ZNF217: variants seen among roughly 807,000 people sequenced by gnomAD.
The protein encoded by ZNF217 is zinc finger protein 217.
In ZNF217, 12 loss-of-function variants were observed where a neutral mutation model predicts 73.3. That is an observed-to-expected ratio of 0.16 (90% CI 0.10 to 0.27). The LOEUF is 0.27. Ranked by LOEUF, ZNF217 falls within the 10% of genes least tolerant of loss-of-function variation. ZNF217 has a pLI of 1.00. For synonymous variants in ZNF217, 588 were observed against 516.4 expected (o/e 1.14, Z -1.88); for missense variants, 1,195 against 1,327.8 (o/e 0.90, Z 1.55).
At chr20:53,590,599 A>G (rs1988843908) in intron 1 of ZNF217, among the ~76,000 whole-genome samples, 1 of 152,138 alleles carries the variant, frequency 6.6e-6, no homozygotes, top group Non-Finnish European at 1.5e-5. Flanking sequence ...GACAACTGTG[A>G]GAAAAGAATG....
At chr20:53,596,767 A>G (rs185997470), upstream of ZNF217, among the ~76,000 whole-genome samples, 67 of 152,068 alleles carry the variant, frequency 4.4e-4, no homozygotes, top group Middle Eastern at 0.02. Context: ...GCCATCTCTA[A>G]AGGAGTCAGG....
At chr20:53,591,206 G>T (rs188097113) in intron 1 of ZNF217, among the ~76,000 whole-genome samples, 25 of 152,228 alleles carry the variant, frequency 1.6e-4, no homozygotes, top group African/African-American at 6.0e-4. Flanking sequence ...GCTAAACTTC[G>T]ATCTCACAAG....
Position 53,576,191 on chromosome 20 carries a change from T to G in ZNF217, c.2573A>C (p.Glu858Ala). Residue 858 changes from glutamate (E) to alanine (A), a missense_variant, in exon 4 of 6, where the codon GAG becomes GCG. Around this residue, in one of 9 missense-constraint regions of ZNF217, gnomAD observed 649 missense variants for 642.8 expected, o/e 1.01. Transcript: ENST00000371471. ...TACTGGAAGAGGTTTCAATTTTGTC[T>G]CGGGTCTTTTTGTCTTATCCGGTGC... ...SPAPDKTKRP[E>A]TKLKPLPVAP... 6.2e-7 allele frequency: 1 copy of G among 1,614,206 alleles called. No homozygotes were observed. The highest frequency in any genetic ancestry group is 8.5e-7 in the Non-Finnish European group (1 of 1,180,038).
At chr20:53,586,762 C>T (rs950231760) in intron 1 of ZNF217, among the ~76,000 whole-genome samples, 3 of 152,144 alleles carry the variant, frequency 2.0e-5, no homozygotes, top group African/African-American at 4.8e-5. Context: ...AGCAAATCAC[C>T]GTTCCAATTG....
chr20:53,576,851 T>C lies in ZNF217; in HGVS notation c.1913A>G (p.Asn638Ser), dbSNP rs774545960. Residue 638 changes from asparagine (N) to serine (S), a missense_variant, in exon 4 of 6, where the codon AAC becomes AGC. Around this residue, in one of 9 missense-constraint regions of ZNF217, gnomAD observed 649 missense variants for 642.8 expected, o/e 1.01. Coordinates refer to ENST00000371471, the MANE Select transcript of ZNF217 (RefSeq NM_006526.3). ...KRSAVETQAN[N>S]LICRTKADVT... ...ATCCGCCTTGGTTCTACAGATGAGGTTATTTGCCTGAGTTTCAACTGCTGA... is the reference window on the plus strand; with the variant it reads ...ATCCGCCTTGGTTCTACAGATGAGGCTATTTGCCTGAGTTTCAACTGCTGA... The C allele has an allele frequency of 4.3e-5, 69 of 1,614,004 alleles. No individual in the cohort carries two copies. The highest frequency in any genetic ancestry group is 5.3e-5 in the Non-Finnish European group (63 of 1,180,030).
Position 53,582,083 on chromosome 20 carries a change from G to A in ZNF217, c.744C>T (p.Ser248=), listed in dbSNP as rs1412650651. ...HTKKTAFGTS[S]AQTDSPQGGM... is the part of the protein sequence containing the mutation. ...CTCCTTGTGGAGAGTCTGTCTGCGC[G>A]CTGCTGGTACCGAAAGCAGTTTTTT... The change falls in exon 2 of 6, where the codon AGC becomes AGT. Residue 248 remains serine (S), a synonymous_variant. Coordinates refer to ENST00000371471, the MANE Select transcript of ZNF217 (RefSeq NM_006526.3). The surrounding 1 kb of genome is among the most constrained non-coding windows in gnomAD (Gnocchi z 4.8). 8 of 1,614,096 alleles carry A rather than the reference G, an allele frequency of 5.0e-6. No individual in the cohort carries two copies. Among genetic ancestry groups the A allele is most frequent in the East Asian group, 2.2e-5 (1 of 44,898 alleles).
intron 1 of ZNF217, among the ~76,000 whole-genome samples, chr20:53,592,152 C>T (rs544619579): frequency 6.6e-6 from 1 of 152,198 alleles, no homozygotes; most frequent in Non-Finnish European, 1.5e-5. Flanking sequence ...TCCAAACGAT[C>T]TAGAAAACTG....
chr20:53,572,391 G>A (rs1260061795), intron 4 of ZNF217, among the ~76,000 whole-genome samples: 2 of 151,866 alleles, frequency 1.3e-5, no homozygotes, highest in Non-Finnish European at 2.9e-5. Flanking sequence ...TCCAGCCTGG[G>A]CAACAGAGTG....
intron 2 of ZNF217, among the ~76,000 whole-genome samples, chr20:53,580,186 C>T (rs1988432872): frequency 6.6e-6 from 1 of 152,184 alleles, no homozygotes; most frequent in Admixed American, 6.5e-5. Context: ...ATACAGACTA[C>T]AGTTCTCACG....
upstream of ZNF217, chr20:53,593,909 C>G (rs533918457): frequency 6.7e-6 from 1 of 149,192 alleles, no homozygotes; most frequent in Non-Finnish European, 1.5e-5. Flanking sequence ...CGCGGAGTTT[C>G]TCTCAGCCTT....
intron 1 of ZNF217, among the ~76,000 whole-genome samples, chr20:53,592,766 G>C (rs899702596): frequency 2.0e-5 from 3 of 150,004 alleles, no homozygotes; most frequent in Non-Finnish European, 4.4e-5. Context: ...GGGCCAAATC[G>C]AGAGACAAGA....
intron 1 of ZNF217, among the ~76,000 whole-genome samples, chr20:53,590,018 A>T (rs1988826824): frequency 6.6e-6 from 1 of 151,246 alleles, no homozygotes. Context: ...ATTTAACAAG[A>T]TTGAGATTCC....
At chr20:53,577,406 ATT>A in intron 3 of ZNF217, 126 bp from the exon 4 acceptor site, 1 of 819,768 alleles carries the variant, frequency 1.2e-6, no homozygotes, top group South Asian at 1.9e-5. Context: ...ATCACATAGG[ATT>A]TCTCATCAGT....
intron 1 of ZNF217, among the ~76,000 whole-genome samples, chr20:53,591,301 GA>G (rs1201312483): frequency 6.6e-6 from 1 of 152,156 alleles, no homozygotes; most frequent in African/African-American, 2.4e-5. Context: ...GGACACTAAA[GA>G]AAAAAGTGTG....
At chr20:53,574,349 T>G (rs1446265549) in intron 4 of ZNF217, 1 of 152,232 alleles carries the variant, frequency 6.6e-6, no homozygotes, top group Non-Finnish European at 1.5e-5. Context: ...TGCTTTCTGC[T>G]CTTGCCAGGT....
chr20:53,578,458 G>T lies in ZNF217; in HGVS notation c.1367-8C>A. 1 of 1,520,818 alleles carries T rather than the reference G, an allele frequency of 6.6e-7. No individual in the cohort carries two copies. Among genetic ancestry groups the T allele is most frequent in the Non-Finnish European group, 8.9e-7 (1 of 1,126,360 alleles). 94.2% of individuals were successfully genotyped at this position (1,520,818 alleles called of 1,614,324 possible). The stretch of plus-strand genomic sequence containing the variant: ...CTCCATCATCATTTTTATCTTAAAG[G>T]AAAAACAAAAATATTTATATAAGAA... On this transcript the variant is annotated splice_region_variant and splice_polypyrimidine_tract_variant and intron_variant, in intron 2 of 5. Coordinates refer to ENST00000371471, the MANE Select transcript of ZNF217 (RefSeq NM_006526.3).
chr20:53,587,940 G>C (rs1228732982), intron 1 of ZNF217, among the ~76,000 whole-genome samples: 2 of 151,374 alleles, frequency 1.3e-5, no homozygotes, highest in Non-Finnish European at 2.9e-5. Flanking sequence ...AAATTACTAG[G>C]GGTCACACCC....
chr20:53,578,432 C>A lies in ZNF217; in HGVS notation c.1385G>T (p.Gly462Val). The A allele has an allele frequency of 6.4e-7, 1 of 1,561,020 alleles. No homozygotes were observed. Residue 462 changes from glycine (G) to valine (V), a missense_variant, in exon 3 of 6, where the codon GGA (glycine) becomes GTA (valine). By Grantham distance (109) the Gly-to-Val change is moderately radical. This residue lies in a region of ZNF217 where 116 missense variants were observed against 121.9 expected (regional missense o/e 0.95). Transcript: ENST00000371471. ...TGAAGATGTAAGATGTTTTATTTTTCCTCCATCATCATTTTTATCTTAAAG... is the reference window on the plus strand; with the variant it reads ...TGAAGATGTAAGATGTTTTATTTTTACTCCATCATCATTTTTATCTTAAAG... The part of the protein sequence containing the change: ...GIHLDKNDDG[G>V]KIKHLTSSRE...
chr20:53,597,090 A>AAG, upstream of ZNF217, among the ~76,000 whole-genome samples: 1 of 151,616 alleles, frequency 6.6e-6, no homozygotes, highest in East Asian at 1.9e-4. Flanking sequence ...TAACAAAAAA[A>AAG]AAAAAAGAAA....
Sources: gnomAD v4.1 joint callset for allele counts (sites outside exome capture counted in the v4.1 genomes callset) on GRCh38, gnomAD v4.1.1 for gene constraint, gnomAD v4.1.1 regional missense constraint, Gnocchi (gnomAD v3.1) non-coding constraint, MANE v1.5 for transcripts, NCBI Gene and HGNC (gene_info 2026-07-23, HGNC 2026-07-21) for gene names.